INO80C: variants seen among roughly 807,000 people sequenced by gnomAD.
INO80C encodes IES6 homolog.
INO80C carries 17 observed loss-of-function variants against 17.7 expected under a neutral mutation model. The ratio of observed to expected loss-of-function variants is 0.96; its 90% CI spans 0.66 to 1.44. INO80C has a LOEUF of 1.44. Among genes scored for constraint, INO80C ranks in the 40% most tolerant of loss-of-function variants. The probability of loss-of-function intolerance (pLI) is 0.00; values close to 1 mark genes in which losing one functional copy is unlikely to be tolerated. For synonymous variants in INO80C, 96 were observed against 95.8 expected, an observed-to-expected ratio of 1.00 and a Z score of -0.01; for missense variants, 244 against 245.0, an observed-to-expected ratio of 1.00 and a Z score of 0.03.
rs192222487 is a variant in INO80C, at chr18:35,485,551, T to C, written c.157-4988A>G. Among the ~76,000 whole-genome samples, 93 of 152,062 alleles carry C rather than the reference T, an allele frequency of 6.1e-4. 2 individuals are homozygous for C. The highest frequency in any genetic ancestry group is 6.8e-3 in the Middle Eastern group (2 of 294). On this transcript the variant is annotated intron_variant, in intron 1 of 4. Coordinates refer to ENST00000334598, the MANE Select transcript of INO80C (RefSeq NM_194281.4). ...TTACAATCAAAGACAATAACACATATTGGCAAAGATGTGAAGAAACTGGAA... is the reference window on the plus strand; with the variant it reads ...TTACAATCAAAGACAATAACACATACTGGCAAAGATGTGAAGAAACTGGAA...
chr18:35,481,537 C>T (rs1198898705), intron 1 of INO80C, among the ~76,000 whole-genome samples: 1 of 152,218 alleles, frequency 6.6e-6, no homozygotes, highest in Non-Finnish European at 1.5e-5. Flanking sequence ...TTCGTATAAA[C>T]AGCATTTAAC....
In INO80C at chr18:35,468,462, A is replaced by AC; in HGVS notation, c.*148dup. 1.4e-6 allele frequency: 2 copies of AC among 1,395,234 alleles called. No homozygotes were observed. The highest frequency in any genetic ancestry group is 1.9e-6 in the Non-Finnish European group (2 of 1,061,516). 86.4% of individuals were successfully genotyped at this position (1,395,234 alleles called of 1,614,324 possible). On this transcript the variant is annotated 3_prime_UTR_variant, in exon 5 of 5. Transcript: ENST00000334598. ...AAAACACACACTAAAAAAAAAAAAAACCCTTAAATTAAAGCCAAACATTCT... is the reference window on the plus strand; with the variant it reads ...AAAACACACACTAAAAAAAAAAAAAACCCCTTAAATTAAAGCCAAACATTCT...
Position 35,478,345 on chromosome 18 carries a change from G to GGGAAGCATC in INO80C, c.383_384insGATGCTTCC (p.Phe128delinsLeuMetLeuPro). The GGGAAGCATC allele has an allele frequency of 2.0e-6, 3 of 1,507,000 alleles. No homozygotes were observed. The African/African-American group carries it at 4.4e-5, about 22-fold the overall frequency. The allele number at this position is 1,507,000 out of a possible 1,614,324, so 93.4% of individuals were successfully genotyped here. On this transcript the variant is annotated protein_altering_variant, in exon 4 of 5. Coordinates refer to ENST00000334598, the MANE Select transcript of INO80C (RefSeq NM_194281.4). Reference sequence around the variant, plus strand: ...TAAAGGATGGAGGAGCATCAATACTGAAGTCTGGGAAAAAAAAAAAAAAAA... The same window carrying GGGAAGCATC: ...TAAAGGATGGAGGAGCATCAATACTGGGAAGCATCAAGTCTGGGAAAAAAAAAAAAAAAA...
At chr18:35,492,455 T>G (rs143331076) in intron 1 of INO80C, among the ~76,000 whole-genome samples, 1 of 152,300 alleles carries the variant, frequency 6.6e-6, no homozygotes, top group East Asian at 1.9e-4. Flanking sequence ...AATATAATGA[T>G]GAAAAACTGT....
chr18:35,479,060 C>T (rs2045773508), intron 3 of INO80C: 1 of 362,824 alleles, frequency 2.8e-6, no homozygotes, highest in South Asian at 6.5e-5. Flanking sequence ...CCAATATTAT[C>T]ATATTGGGAC....
At position 35,474,231 on chromosome 18, in the gene INO80C, A is replaced by ATATATATATATATATATG. The variant is rs1555636173; in HGVS notation, c.447+4050_447+4051insCATATATATATATATATA. On this transcript the variant is annotated intron_variant, in intron 4 of 4. Coordinates refer to ENST00000334598, the MANE Select transcript of INO80C (RefSeq NM_194281.4). ...TCTATATATATATATATATATATAT[A>ATATATATATATATATATG]TATATATATATATACTTAATAACTA... Among the ~76,000 whole-genome samples the ATATATATATATATATATG allele has an allele frequency of 3.2e-4, 43 of 133,672 alleles. 1 individual carries two copies. The highest frequency in any genetic ancestry group is 1.1e-3 in the African/African-American group (39 of 36,380). The allele number at this position is 133,672 out of a possible 152,430, so 87.7% of individuals were successfully genotyped here.
intron 3 of INO80C, 23 bp from the exon 4 acceptor site, chr18:35,478,372 ATAAC>A: frequency 7.0e-7 from 1 of 1,418,866 alleles, no homozygotes; most frequent in Non-Finnish European, 9.7e-7. Context: ...AAAAAAAAAG[ATAAC>A]TAAACTGAAC....
chr18:35,477,269 G>GATATACCATCCA (rs370030510), intron 4 of INO80C, among the ~76,000 whole-genome samples: 30,300 of 151,866 alleles, frequency 0.2, 3,873 homozygotes, highest in Admixed American at 0.32. Flanking sequence ...GATCAAGAAA[G>GATATACCATCCA]ATATACCATC....
At chr18:35,470,748 T>C (rs1005576013) in intron 4 of INO80C, among the ~76,000 whole-genome samples, 8 of 152,214 alleles carry the variant, frequency 5.3e-5, no homozygotes, top group African/African-American at 1.9e-4. Context: ...AACAAAAACC[T>C]GAACAGACTG....
chr18:35,490,969 A>G (rs1034451052), intron 1 of INO80C, among the ~76,000 whole-genome samples: 1 of 152,208 alleles, frequency 6.6e-6, no homozygotes, highest in Non-Finnish European at 1.5e-5. Context: ...CATGTTGCCC[A>G]CAGTGGTCTC....
At chr18:35,476,461 G>A (rs1351583301) in intron 4 of INO80C, among the ~76,000 whole-genome samples, 24 of 152,196 alleles carry the variant, frequency 1.6e-4, no homozygotes, top group Admixed American at 1.6e-3. Flanking sequence ...CAGAAACTGA[G>A]TTTGGGTTAT....
intron 1 of INO80C, 81 bp downstream of exon 1, chr18:35,497,638 C>T (rs2144102569): frequency 6.6e-7 from 1 of 1,515,846 alleles, no homozygotes; most frequent in Non-Finnish European, 8.8e-7. Context: ...CCCCACATTA[C>T]GCACGCGCCC....
rs565529458 is a variant in INO80C, at chr18:35,489,817, C to G, written c.156+7902G>C. On this transcript the variant is annotated intron_variant, in intron 1 of 4. Transcript: ENST00000334598. ...GGAATGATCTCTCCTCACTACCTTC[C>G]CACACTCCTCTCCAGGGCCTCTGCA... Among the ~76,000 whole-genome samples the G allele has an allele frequency of 2.0e-5, 3 of 152,178 alleles. No homozygotes were observed. In the South Asian group the frequency reaches 6.2e-4, roughly 32 times the overall value.
chr18:35,476,214 G>A (rs2045733917), intron 4 of INO80C, among the ~76,000 whole-genome samples: 1 of 152,186 alleles, frequency 6.6e-6, no homozygotes, highest in African/African-American at 2.4e-5. Flanking sequence ...TCCAGTAGTG[G>A]AGGATTCTAC....
chr18:35,470,536 T>C (rs1293670483), intron 4 of INO80C, among the ~76,000 whole-genome samples: 3 of 151,868 alleles, frequency 2.0e-5, no homozygotes, highest in Non-Finnish European at 2.9e-5. Context: ...CCGAGCAGAG[T>C]GTAGGCATGT....
At chr18:35,497,644 C>G (rs1266085607) in intron 1 of INO80C, 75 bp downstream of exon 1, 1 of 1,527,100 alleles carries the variant, frequency 6.5e-7, no homozygotes, top group African/African-American at 1.4e-5. Context: ...ATTACGCACG[C>G]GCCCTGGCTC....
rs528995586 is a variant in INO80C at position 35,482,763 on chromosome 18, C to T, written c.157-2200G>A. On this transcript the variant is annotated intron_variant, in intron 1 of 4. Transcript: ENST00000334598. ...TTCCTTCCTCCCACCCTCCCTTCCG[C>T]ACCCCACTCTCCCTTCCTCCCACAG... 6.6e-5 allele frequency among the ~76,000 whole-genome samples: 10 copies of T among 152,282 alleles called. 1 individual carries two copies. The highest frequency in any genetic ancestry group is 2.4e-4 in the African/African-American group (10 of 41,558).
chr18:35,490,482 G>C (rs887849954), intron 1 of INO80C, among the ~76,000 whole-genome samples: 7 of 152,270 alleles, frequency 4.6e-5, no homozygotes, highest in Admixed American at 6.5e-5. Context: ...GGCCAGATAT[G>C]CTTTAAGTTT....
chr18:35,491,968 G>A (rs1029523214), intron 1 of INO80C, among the ~76,000 whole-genome samples: 18 of 152,158 alleles, frequency 1.2e-4, no homozygotes, highest in African/African-American at 4.3e-4. Flanking sequence ...TAATAGACTG[G>A]AGTTCACAAG....
Sources: allele counts gnomAD v4.1 joint callset (sites outside exome capture counted in the v4.1 genomes callset), GRCh38; gene constraint gnomAD v4.1.1; transcripts MANE v1.5; gene names NCBI Gene and HGNC (gene_info 2026-07-23, HGNC 2026-07-21).